Variants in BAD observed in about 807,000 individuals in gnomAD.
BAD encodes BCL2 associated agonist of cell death, also known as bcl2-associated agonist of cell death.
Under a neutral mutation model 17.8 loss-of-function variants are expected in BAD, and 18 were observed. That is an observed-to-expected ratio of 1.01 (90% CI 0.70 to 1.50). The LOEUF is 1.50. Ranked by LOEUF, BAD falls within the 40% of genes most tolerant of loss-of-function variation. BAD has a pLI of 0.00. For synonymous variants in BAD, 112 were observed against 91.5 expected, an observed-to-expected ratio of 1.22 and a Z score of -1.28; for missense variants, 294 against 239.3, an observed-to-expected ratio of 1.23 and a Z score of -1.51.
intron 2 of BAD, 32 bp downstream of exon 2, chr11:64,284,150 G>A (rs754521057): frequency 6.5e-7 from 1 of 1,539,934 alleles, no homozygotes; most frequent in Non-Finnish European, 8.7e-7. Flanking sequence ...GGGGTGAGGT[G>A]TCCCGGCAGG....
chr11:64,282,008 C>T (rs1302259160), intron 2 of BAD, among the ~76,000 whole-genome samples: 2 of 152,174 alleles, frequency 1.3e-5, no homozygotes, highest in African/African-American at 2.4e-5. Flanking sequence ...CGTGAGCCAC[C>T]GCGCCCGGCC....
chr11:64,272,496 T>C (rs1381798266), intron 2 of BAD, among the ~76,000 whole-genome samples: 1 of 152,136 alleles, frequency 6.6e-6, no homozygotes, highest in South Asian at 2.1e-4. Flanking sequence ...GCAAGGGACC[T>C]GCAGAGCCCC....
At chr11:64,276,286 GTGTGTATATATT>G (rs911703325) in intron 2 of BAD, 1 of 113,816 alleles carries the variant, frequency 8.8e-6, no homozygotes, top group Non-Finnish European at 2.0e-5. Context: ...ATGTGTGTGT[GTGTGTATATATT>G]TGTGTGTGTG....
intron 2 of BAD, 108 bp from the exon 3 acceptor site, chr11:64,271,911 C>G: frequency 1.1e-6 from 1 of 932,734 alleles, no homozygotes; most frequent in Non-Finnish European, 1.4e-6. Context: ...CGTGGGTCTT[C>G]CAGGGGCGCA....
intron 2 of BAD, among the ~76,000 whole-genome samples, chr11:64,281,840 C>A (rs2033498059): frequency 6.6e-6 from 1 of 152,246 alleles, no homozygotes; most frequent in Admixed American, 6.5e-5. Context: ...CCTGCCTCAG[C>A]CTCCCGAGTA....
At chr11:64,282,304 T>C (rs1440270667) in intron 2 of BAD, among the ~76,000 whole-genome samples, 1 of 152,048 alleles carries the variant, frequency 6.6e-6, no homozygotes, top group Non-Finnish European at 1.5e-5. Context: ...CTCAGGAAGT[T>C]AAAGAAAGCT....
rs1591133584 is a variant in BAD at position 64,271,818 on chromosome 11, T to G, written c.188-15A>C. On this transcript the variant is annotated splice_polypyrimidine_tract_variant and intron_variant, in intron 2 of 3. Coordinates refer to ENST00000309032, the MANE Select transcript of BAD (RefSeq NM_032989.3). ...AGCCCCAGCGCCTGCAGAGGGTCAG[T>G]GGGTAGGGGGGCGACGTTAATCTCA... The G allele has an allele frequency of 2.9e-6, 4 of 1,382,620 alleles. No individual in the cohort carries two copies. Among genetic ancestry groups the G allele is most frequent in the Non-Finnish European group, 2.8e-6 (3 of 1,067,120 alleles). 85.6% of individuals were successfully genotyped at this position (1,382,620 alleles called of 1,614,324 possible).
At chr11:64,281,271 G>GC (rs1278721001) in intron 2 of BAD, among the ~76,000 whole-genome samples, 1 of 151,942 alleles carries the variant, frequency 6.6e-6, no homozygotes, top group East Asian at 1.9e-4. Context: ...CAGCCTAATA[G>GC]TTTTTTTAAA....
At chr11:64,282,723 C>A (rs986755777) in intron 2 of BAD, among the ~76,000 whole-genome samples, 1 of 150,776 alleles carries the variant, frequency 6.6e-6, no homozygotes, top group Non-Finnish European at 1.5e-5. Flanking sequence ...AATAAAAATA[C>A]AAGAAATTAG....
rs144055460 is a variant in BAD at position 64,278,890 on chromosome 11, G to A, written c.187+5292C>T. 1.1e-3 allele frequency among the ~76,000 whole-genome samples: 169 copies of A among 152,356 alleles called. 2 individuals are homozygous for A. The East Asian group carries it at 0.013, about 11-fold the overall frequency. Reference sequence around the variant, plus strand: ...GGCCCCGTGGCTCTGGCGGGGCACTGGCACTTGCTGATCTTTTCTGGGAAA... The same window carrying A: ...GGCCCCGTGGCTCTGGCGGGGCACTAGCACTTGCTGATCTTTTCTGGGAAA... On this transcript the variant is annotated intron_variant, in intron 2 of 3. Transcript: ENST00000309032.
At chr11:64,271,381 TCACA>T (rs58303026) in intron 3 of BAD, among the ~76,000 whole-genome samples, 1,930 of 60,228 alleles carry the variant, frequency 0.032, 89 homozygotes, top group Non-Finnish European at 0.044. Flanking sequence ...GCCCTGTGAC[TCACA>T]CACACACACA....
At chr11:64,283,812 A>G (rs1011552512) in intron 2 of BAD, among the ~76,000 whole-genome samples, 28 of 151,832 alleles carry the variant, frequency 1.8e-4, no homozygotes, top group African/African-American at 6.5e-4. Context: ...ATATATATGT[A>G]TTTTAAGAGC....
intron 2 of BAD, 47 bp downstream of exon 2, chr11:64,284,135 G>T (rs2033672028): frequency 3.3e-6 from 5 of 1,522,226 alleles, no homozygotes; most frequent in Admixed American, 4.2e-5. Context: ...GGAGCCAGTG[G>T]GCTGGGGGTG....
chr11:64,281,318 G>A (rs2033455780), intron 2 of BAD, among the ~76,000 whole-genome samples: 1 of 151,720 alleles, frequency 6.6e-6, no homozygotes, highest in Non-Finnish European at 1.5e-5. Flanking sequence ...TCTTTCCCTC[G>A]CACCCCACAT....
intron 2 of BAD, chr11:64,275,550 A>C (rs897194084): frequency 6.6e-6 from 1 of 152,246 alleles, no homozygotes; most frequent in Non-Finnish European, 1.5e-5. Flanking sequence ...GAGGCCTCTG[A>C]GAGTCCCAGC....
At chr11:64,272,173 G>C (rs1426938507) in intron 2 of BAD, among the ~76,000 whole-genome samples, 1 of 152,124 alleles carries the variant, frequency 6.6e-6, no homozygotes, top group Admixed American at 6.5e-5. Context: ...ACAAAAATTA[G>C]CTGGGCATAG....
intron 2 of BAD, among the ~76,000 whole-genome samples, chr11:64,278,085 C>T (rs1431482376): frequency 6.6e-6 from 1 of 152,056 alleles, no homozygotes; most frequent in Non-Finnish European, 1.5e-5. Flanking sequence ...GCCAGGAGTT[C>T]GAGACCAGCC....
chr11:64,273,121 C>G (rs757150503), intron 2 of BAD, among the ~76,000 whole-genome samples: 22 of 152,220 alleles, frequency 1.4e-4, no homozygotes, highest in Non-Finnish European at 3.1e-4. Flanking sequence ...GTAATCCCAG[C>G]ACTTTGGGAG....
At chr11:64,270,498 G>T in intron 3 of BAD, 161 bp from the exon 4 acceptor site, 1 of 920,066 alleles carries the variant, frequency 1.1e-6, no homozygotes, top group Non-Finnish European at 1.6e-6. Flanking sequence ...ACGCTCGCGA[G>T]GACGCATGGG....
Sources: gnomAD v4.1 joint callset for allele counts (sites outside exome capture counted in the v4.1 genomes callset) on GRCh38, gnomAD v4.1.1 for gene constraint, MANE v1.5 for transcripts, NCBI Gene and HGNC (gene_info 2026-07-23, HGNC 2026-07-21) for gene names.